The following KAZN variants were observed in gnomAD, a reference collection of about 807,000 sequenced individuals.
KAZN encodes the protein kazrin.
KAZN carries 40 observed loss-of-function variants against 87.4 expected under a neutral mutation model. The ratio of observed to expected loss-of-function variants is 0.46; its 90% CI spans 0.36 to 0.60. The LOEUF (loss-of-function observed/expected upper bound fraction) is 0.60. Ranked by LOEUF, KAZN falls within the 20% of genes least tolerant of loss-of-function variation. The pLI is 0.00. For missense variants in KAZN, 898 were observed against 1,073.9 expected (o/e 0.84, Z 2.29); for synonymous variants, 466 against 458.3 (o/e 1.02, Z -0.22).
chr1:14,672,677 G>A (rs1639983467), intron 1 of KAZN, among the ~76,000 whole-genome samples: 1 of 152,196 alleles, frequency 6.6e-6, no homozygotes, highest in African/African-American at 2.4e-5. Context: ...GAATCCAGAA[G>A]GTCAGAGAAC....
intron 2 of KAZN, among the ~76,000 whole-genome samples, chr1:14,380,832 T>C (rs965218519): frequency 1.3e-5 from 2 of 151,860 alleles, no homozygotes; most frequent in Admixed American, 1.3e-4. Flanking sequence ...ACACAAAACA[T>C]CCCAAACCTA....
At chr1:14,961,012 C>T in intron 2 of KAZN, 137 bp downstream of exon 2, 1 of 870,582 alleles carries the variant, frequency 1.1e-6, no homozygotes, top group Non-Finnish European at 1.7e-6. Context: ...GCTGCCCTGT[C>T]CCTTCTTCGA....
intron 1 of KAZN, among the ~76,000 whole-genome samples, chr1:14,161,908 A>C (rs1419614652): frequency 1.3e-5 from 2 of 152,230 alleles, no homozygotes; most frequent in Non-Finnish European, 2.9e-5. Flanking sequence ...AAGACCTGTG[A>C]TCTAAAGAGA....
At chr1:14,793,072 G>C (rs1410347893) in intron 1 of KAZN, among the ~76,000 whole-genome samples, 5 of 152,100 alleles carry the variant, frequency 3.3e-5, no homozygotes, top group African/African-American at 1.2e-4. Flanking sequence ...GTGTGTGTGT[G>C]GCATGTTAAG....
At chr1:14,453,800 C>T (rs1667414464) in intron 2 of KAZN, among the ~76,000 whole-genome samples, 8 of 152,054 alleles carry the variant, frequency 5.3e-5, no homozygotes, top group Admixed American at 5.2e-4. Flanking sequence ...TGCACCACTG[C>T]ACTCCAGCCT....
intron 2 of KAZN, among the ~76,000 whole-genome samples, chr1:14,380,768 A>AAAG (rs200412324): frequency 0.017 from 2,612 of 152,306 alleles, 72 homozygotes; most frequent in African/African-American, 0.06. Flanking sequence ...TATTAACCCT[A>AAAG]AAGAGGAGAT....
At chr1:14,313,913 A>G (rs763959907) in intron 2 of KAZN, among the ~76,000 whole-genome samples, 23 of 152,086 alleles carry the variant, frequency 1.5e-4, no homozygotes, top group Non-Finnish European at 1.3e-4. Flanking sequence ...AAAAAAAATG[A>G]TGGCTTAGCT....
chr1:14,156,909 T>C (rs375652651), intron 1 of KAZN, among the ~76,000 whole-genome samples: 2 of 137,424 alleles, frequency 1.5e-5, no homozygotes, highest in East Asian at 3.9e-4. Context: ...TGTGGTCTTT[T>C]GTTTTTTTTT....
chr1:14,646,057 G>C (rs1462348165), intron 1 of KAZN, among the ~76,000 whole-genome samples: 2 of 152,036 alleles, frequency 1.3e-5, no homozygotes, highest in African/African-American at 4.8e-5. Context: ...CAAAACTCCA[G>C]TTGATAAGAA....
At chr1:14,761,125 G>T (rs1168858623) in intron 1 of KAZN, among the ~76,000 whole-genome samples, 1 of 152,118 alleles carries the variant, frequency 6.6e-6, no homozygotes, top group African/African-American at 2.4e-5. Flanking sequence ...CCTCTCCCCA[G>T]TCATTTGCTC....
At chr1:15,065,442 G>A (rs1188965521) in intron 7 of KAZN, among the ~76,000 whole-genome samples, 188 bp from the exon 8 acceptor site, 1 of 152,108 alleles carries the variant, frequency 6.6e-6, no homozygotes, top group Non-Finnish European at 1.5e-5. Context: ...AGTGAATGAG[G>A]GGCTGACCTT....
chr1:14,178,853 A>C (rs1435269036), intron 1 of KAZN, among the ~76,000 whole-genome samples: 1 of 152,048 alleles, frequency 6.6e-6, no homozygotes, highest in African/African-American at 2.4e-5. Context: ...AGATCAGTTC[A>C]CCTCTTTCAT....
At chr1:13,983,723 T>G (rs1323407668) in intron 1 of KAZN, among the ~76,000 whole-genome samples, 1 of 152,258 alleles carries the variant, frequency 6.6e-6, no homozygotes, top group Non-Finnish European at 1.5e-5. Context: ...CGCTGTCACC[T>G]CCCAAAGGGA....
chr1:14,251,713 A>T (rs972838096), intron 2 of KAZN, among the ~76,000 whole-genome samples: 8 of 137,746 alleles, frequency 5.8e-5, no homozygotes, highest in African/African-American at 2.3e-4. Flanking sequence ...CAGTGGCATG[A>T]TCATGGCTCA....
intron 1 of KAZN, among the ~76,000 whole-genome samples, chr1:14,729,316 G>A (rs1643569164): frequency 6.6e-6 from 1 of 152,176 alleles, no homozygotes; most frequent in Non-Finnish European, 1.5e-5. Context: ...GCATCCATAG[G>A]GAAGCAGAGA....
chr1:14,615,445 T>C (rs565380498), intron 1 of KAZN, among the ~76,000 whole-genome samples: 1 of 152,234 alleles, frequency 6.6e-6, no homozygotes, highest in East Asian at 1.9e-4. Flanking sequence ...CTGGCCAACA[T>C]GGCAAAACCC....
intron 2 of KAZN, among the ~76,000 whole-genome samples, chr1:14,511,334 A>G (rs1670895078): frequency 1.3e-5 from 2 of 152,218 alleles, no homozygotes; most frequent in African/African-American, 4.8e-5. Flanking sequence ...AGAGACACAT[A>G]TTGGAGCCAA....
At chr1:14,318,465 T>C (rs959779380) in intron 2 of KAZN, among the ~76,000 whole-genome samples, 3 of 152,058 alleles carry the variant, frequency 2.0e-5, no homozygotes, top group Non-Finnish European at 4.4e-5. Flanking sequence ...GTTTTTTCTC[T>C]TCTGCTTTTA....
intron 1 of KAZN, among the ~76,000 whole-genome samples, chr1:14,641,512 C>T (rs1403010969): frequency 6.6e-6 from 1 of 152,242 alleles, no homozygotes; most frequent in African/African-American, 2.4e-5. Flanking sequence ...GTCTCCCCAC[C>T]AGACCATGCC....
Sources: allele counts gnomAD v4.1 joint callset (sites outside exome capture counted in the v4.1 genomes callset), GRCh38; gene constraint gnomAD v4.1.1; transcripts MANE v1.5; gene names NCBI Gene and HGNC (gene_info 2026-07-23, HGNC 2026-07-21).